The following EML1 variants were observed in gnomAD, a reference collection of about 807,000 sequenced individuals.
EML1 encodes echinoderm microtubule-associated protein-like 1.
EML1 carries 27 observed loss-of-function variants against 110.4 expected under a neutral mutation model. That is an observed-to-expected ratio of 0.24 (90% CI 0.18 to 0.34). The LOEUF is 0.34. EML1 is among the 10% of genes least tolerant of loss of function. The pLI, the probability that EML1 is intolerant of heterozygous loss-of-function variation, is 1.00. For synonymous variants in EML1, 344 were observed against 385.8 expected (o/e 0.89, Z 1.27); for missense variants, 741 against 1,030.9 (o/e 0.72, Z 3.85).
At chr14:99,886,789 G>T (rs1043232567) in intron 4 of EML1, among the ~76,000 whole-genome samples, 1 of 152,154 alleles carries the variant, frequency 6.6e-6, no homozygotes, top group Non-Finnish European at 1.5e-5. Flanking sequence ...GCAGATCCCC[G>T]CTCTGAGGCA....
chr14:99,923,331 C>A (rs1202474711), intron 17 of EML1, among the ~76,000 whole-genome samples: 1 of 152,142 alleles, frequency 6.6e-6, no homozygotes, highest in African/African-American at 2.4e-5. Context: ...GTGGATCATG[C>A]CTTTGGGGTC....
exon 1 of EML1, chr14:99,773,144 T>C (rs2057443608): frequency 6.6e-6 from 1 of 152,232 alleles, no homozygotes; most frequent in Non-Finnish European, 1.5e-5. Context: ...ATTCACAGAC[T>C]TTCACACTTC....
intron 17 of EML1, among the ~76,000 whole-genome samples, chr14:99,933,257 C>T (rs1292402580): frequency 6.6e-6 from 1 of 152,174 alleles, no homozygotes; most frequent in African/African-American, 2.4e-5. Context: ...CTCACTGCAA[C>T]CTCTGCCTCC....
At chr14:99,845,481 A>G (rs2058693206) in intron 1 of EML1, among the ~76,000 whole-genome samples, 1 of 152,218 alleles carries the variant, frequency 6.6e-6, no homozygotes, top group African/African-American at 2.4e-5. Context: ...AATAAACAGT[A>G]TGGATTCTAC....
chr14:99,894,487 CT>C (rs2059639708), intron 5 of EML1, 141 bp from the exon 6 acceptor site: 1 of 1,059,692 alleles, frequency 9.4e-7, no homozygotes, highest in Non-Finnish European at 1.2e-6. Flanking sequence ...TTTTATGTTA[CT>C]TTTTTCCCTA....
At chr14:99,901,927 A>G (rs1264612790) in intron 9 of EML1, among the ~76,000 whole-genome samples, 3 of 151,998 alleles carry the variant, frequency 2.0e-5, no homozygotes, top group Non-Finnish European at 4.4e-5. Flanking sequence ...TGCCTCTGAC[A>G]TTTCTCCCCT....
intron 1 of EML1, among the ~76,000 whole-genome samples, chr14:99,824,747 A>G (rs552324428): frequency 4.6e-5 from 7 of 152,072 alleles, no homozygotes; most frequent in Middle Eastern, 3.4e-3. Flanking sequence ...AGTGAGCACA[A>G]TAGGCGATTT....
chr14:99,859,230 G>C (rs2058958940), intron 2 of EML1, among the ~76,000 whole-genome samples: 1 of 152,144 alleles, frequency 6.6e-6, no homozygotes, highest in Non-Finnish European at 1.5e-5. Flanking sequence ...TAGATTTTCA[G>C]TTACCAAACT....
At position 99,763,400 on chromosome 14, in the gene EML1, G is replaced by A. The variant is rs80030067; in HGVS notation, c.28+25540G>A. ...AGACATGGACACACCTACTATATACGTGGATTTATTGCAAGACAACCCTCT... is the reference window on the plus strand; with the variant it reads ...AGACATGGACACACCTACTATATACATGGATTTATTGCAAGACAACCCTCT... On this transcript the variant is annotated intron_variant, in intron 1 of 10. Coordinates refer to the EML1 transcript ENST00000554479. Among the ~76,000 whole-genome samples, 249 of 152,262 alleles carry A rather than the reference G, an allele frequency of 1.6e-3. 4 individuals carry two copies. In the East Asian group the frequency reaches 0.019, roughly 11 times the overall value.
chr14:99,745,852 T>G (rs1319246920), intron 1 of EML1, among the ~76,000 whole-genome samples: 1 of 152,230 alleles, frequency 6.6e-6, no homozygotes, highest in South Asian at 2.1e-4. Flanking sequence ...TGTGGACGCT[T>G]ACTGAGCCTG....
chr14:99,791,778 C>A (rs185557032), upstream of EML1, among the ~76,000 whole-genome samples: 105 of 152,340 alleles, frequency 6.9e-4, no homozygotes, highest in Non-Finnish European at 1.3e-3. Flanking sequence ...CGTGAACCCT[C>A]CAAGCGTTCC....
intron 6 of EML1, among the ~76,000 whole-genome samples, chr14:99,895,549 A>T (rs1998385): frequency 0.17 from 26,306 of 152,096 alleles, 2,757 homozygotes; most frequent in East Asian, 0.41. Context: ...TTGGCAAAAA[A>T]GTTTTTAAAC....
intron 17 of EML1, among the ~76,000 whole-genome samples, chr14:99,928,772 G>T (rs534988403): frequency 5.3e-5 from 8 of 152,222 alleles, no homozygotes; most frequent in Middle Eastern, 3.4e-3. Context: ...ATCTCTTTTG[G>T]ATGTTTTTTC....
Position 99,787,114 on chromosome 14 carries a change from C to T in EML1, c.-27+13101C>T, listed in dbSNP as rs560092053. Among the ~76,000 whole-genome samples the T allele has an allele frequency of 2.0e-5, 3 of 152,226 alleles. No individual in the cohort carries two copies. In the South Asian group the frequency reaches 6.2e-4, roughly 32 times the overall value. ...GCATCAGCAAGTGGGTTGGAGGCCG[C>T]AGAGTTGAATGTTCCCTTATGGTTG... On this transcript the variant is annotated intron_variant, in intron 1 of 22. Transcript: ENST00000327921.
chr14:99,785,153 CA>C (rs1177055917), intron 1 of EML1, among the ~76,000 whole-genome samples: 2 of 152,092 alleles, frequency 1.3e-5, no homozygotes, highest in African/African-American at 4.8e-5. Flanking sequence ...CTCCCAGGTT[CA>C]AGCAATTCTC....
intron 1 of EML1, among the ~76,000 whole-genome samples, chr14:99,786,924 C>T (rs1212652339): frequency 1.3e-5 from 2 of 152,242 alleles, no homozygotes; most frequent in Middle Eastern, 3.4e-3. Flanking sequence ...AGAACCAGGA[C>T]AGAGGGAGAT....
At chr14:99,764,620 G>A (rs567768399) in intron 1 of EML1, among the ~76,000 whole-genome samples, 1 of 152,238 alleles carries the variant, frequency 6.6e-6, no homozygotes, top group East Asian at 1.9e-4. Context: ...GAGCGTCAGG[G>A]CAGGCTTCCT....
rs114313120 is a variant in EML1, at chr14:99,860,791, G to C, written c.251-4723G>C. Reference sequence around the variant, plus strand: ...CAGTCATTCCAAGAGTAGTCAGTGTGTGTCCCCCTCCCCCTTCCCATCCCT... The same window carrying C: ...CAGTCATTCCAAGAGTAGTCAGTGTCTGTCCCCCTCCCCCTTCCCATCCCT... On this transcript the variant is annotated intron_variant, in intron 2 of 21. Coordinates refer to ENST00000262233, the MANE Select transcript of EML1 (RefSeq NM_004434.3). 7.5e-4 allele frequency among the ~76,000 whole-genome samples: 114 copies of C among 152,116 alleles called. 1 individual carries two copies. Among genetic ancestry groups the C allele is most frequent in the African/African-American group, 2.6e-3 (110 of 41,516 alleles).
In EML1 at chr14:99,936,249, T is replaced by G; in HGVS notation, c.2010T>G (p.Gly670=). ...RKYTRVGKCS[G]HSSFITHLDW... ...AAGACAGTGTTTTACCCTCCCAGGGTCATTCCAGCTTCATTACTCACCTGG... is the reference window on the plus strand; with the variant it reads ...AAGACAGTGTTTTACCCTCCCAGGGGCATTCCAGCTTCATTACTCACCTGG... Residue 670 remains glycine, a splice_region_variant and synonymous_variant, in exon 19 of 22, where the codon GGT becomes GGG. Coordinates refer to ENST00000262233, the MANE Select transcript of EML1 (RefSeq NM_004434.3). The surrounding 1 kb of genome is among the most constrained non-coding windows in gnomAD (Gnocchi z 5.5). 3 of 1,614,026 alleles carry G rather than the reference T, an allele frequency of 1.9e-6. No individual in the cohort carries two copies. Among genetic ancestry groups the G allele is most frequent in the Non-Finnish European group, 2.5e-6 (3 of 1,179,976 alleles).
Sources: allele counts gnomAD v4.1 joint callset (sites outside exome capture counted in the v4.1 genomes callset), GRCh38; gene constraint gnomAD v4.1.1; non-coding constraint Gnocchi (gnomAD v3.1); transcripts MANE v1.5; gene names NCBI Gene and HGNC (gene_info 2026-07-23, HGNC 2026-07-21).